Variants in CNTN5 observed in about 807,000 individuals in gnomAD.
CNTN5 encodes contactin-5.
In CNTN5, 77 loss-of-function variants were observed where a neutral mutation model predicts 129.1. The observed-to-expected ratio is 0.60, with a 90% CI of 0.50 to 0.72. The LOEUF (loss-of-function observed/expected upper bound fraction) is 0.72, where lower values mean the gene tolerates loss of function less well. Ranked by LOEUF, CNTN5 falls within the 30% of genes least tolerant of loss-of-function variation. CNTN5 has a pLI of 0.00. For synonymous variants in CNTN5, 509 were observed against 465.6 expected (o/e 1.09, Z -1.20); for missense variants, 1,478 against 1,328.8 (o/e 1.11, Z -1.75).
chr11:99,636,724 A>G lies in CNTN5; in HGVS notation c.55+80455A>G, dbSNP rs1008900479. Among the ~76,000 whole-genome samples, 7 of 151,972 alleles carry G rather than the reference A, an allele frequency of 4.6e-5. 1 individual carries two copies. The highest frequency in any genetic ancestry group is 4.6e-4 in the Admixed American group (7 of 15,266). ...ATAGTAACCTGTTAGGTTAAAAAGTAAATGACTCAGCTGGGCGCGGTGGCT... is the reference window on the plus strand; with the variant it reads ...ATAGTAACCTGTTAGGTTAAAAAGTGAATGACTCAGCTGGGCGCGGTGGCT... On this transcript the variant is annotated intron_variant, in intron 3 of 24. Coordinates refer to ENST00000524871, the MANE Select transcript of CNTN5 (RefSeq NM_014361.4).
intron 13 of CNTN5, among the ~76,000 whole-genome samples, chr11:100,133,525 ATATAAT>A (rs1946436539): frequency 6.6e-6 from 1 of 152,124 alleles, no homozygotes; most frequent in Non-Finnish European, 1.5e-5. Flanking sequence ...TACAAAGAAA[ATATAAT>A]TATAGTTTTG....
chr11:99,873,284 G>T (rs145356303), intron 6 of CNTN5, among the ~76,000 whole-genome samples: 4 of 151,456 alleles, frequency 2.6e-5, no homozygotes, highest in Non-Finnish European at 5.9e-5. Context: ...AAAAAAATAC[G>T]CCTTTTTAAA....
chr11:99,991,035 A>G (rs7124755), intron 8 of CNTN5, among the ~76,000 whole-genome samples: 57,661 of 151,978 alleles, frequency 0.38, 12,390 homozygotes, highest in African/African-American at 0.59. Flanking sequence ...AAGTACAATG[A>G]CATATCTCAC....
At chr11:99,974,509 G>T (rs1193484229) in intron 8 of CNTN5, among the ~76,000 whole-genome samples, 1 of 152,300 alleles carries the variant, frequency 6.6e-6, no homozygotes, top group East Asian at 1.9e-4. Flanking sequence ...CCTTACAGAA[G>T]TAATCAGTAT....
intron 6 of CNTN5, among the ~76,000 whole-genome samples, chr11:99,908,279 G>A (rs1027471131): frequency 1.3e-5 from 2 of 152,010 alleles, no homozygotes; most frequent in African/African-American, 2.4e-5. Flanking sequence ...TGAAATAACT[G>A]AAGAGGGTAG....
intron 21 of CNTN5, among the ~76,000 whole-genome samples, chr11:100,315,547 C>A (rs1469833069): frequency 6.6e-6 from 1 of 152,076 alleles, no homozygotes; most frequent in Non-Finnish European, 1.5e-5. Context: ...CTGAGTGGAT[C>A]CATCTTTAGA....
chr11:99,908,295 C>T (rs577287147), intron 6 of CNTN5, among the ~76,000 whole-genome samples: 7 of 152,000 alleles, frequency 4.6e-5, no homozygotes, highest in South Asian at 2.1e-4. Context: ...GGTAGTTAAG[C>T]GTGAAAGCTT....
chr11:99,948,981 C>G (rs537429918), intron 7 of CNTN5, among the ~76,000 whole-genome samples: 1 of 152,182 alleles, frequency 6.6e-6, no homozygotes, highest in Admixed American at 6.5e-5. Context: ...TTTGCTGATA[C>G]TCTTTGCCTT....
rs554001688 is a variant in CNTN5 at position 100,042,568 on chromosome 11, G to A, written c.981-18644G>A. On this transcript the variant is annotated intron_variant, in intron 9 of 24. Coordinates refer to ENST00000524871, the MANE Select transcript of CNTN5 (RefSeq NM_014361.4). ...GAAATCATTAAATCTTCACAGCTAAGTATTCCTTCTGCCTTGACAGATTCT... is the reference window on the plus strand; with the variant it reads ...GAAATCATTAAATCTTCACAGCTAAATATTCCTTCTGCCTTGACAGATTCT... Among the ~76,000 whole-genome samples the A allele has an allele frequency of 5.3e-5, 8 of 152,168 alleles. No homozygotes were observed. The South Asian group carries it at 6.2e-4, about 12-fold the overall frequency.
At chr11:99,954,897 C>T (rs1022472143) in intron 7 of CNTN5, among the ~76,000 whole-genome samples, 3 of 151,984 alleles carry the variant, frequency 2.0e-5, no homozygotes, top group African/African-American at 7.2e-5. Flanking sequence ...TTTTGAGTCC[C>T]CAAATACTTA....
At chr11:99,774,508 T>A (rs1166726717) in intron 3 of CNTN5, among the ~76,000 whole-genome samples, 4 of 147,916 alleles carry the variant, frequency 2.7e-5, no homozygotes, top group Admixed American at 6.8e-5. Context: ...AAAAAAAAAA[T>A]GCTCTGTTAC....
intron 8 of CNTN5, among the ~76,000 whole-genome samples, chr11:99,967,235 A>G (rs1197973761): frequency 1.3e-5 from 2 of 152,188 alleles, no homozygotes; most frequent in East Asian, 3.9e-4. Flanking sequence ...TGCTTTGTTG[A>G]CCATATTACC....
At chr11:99,414,268 G>T (rs7110283) in intron 2 of CNTN5, among the ~76,000 whole-genome samples, 5 of 151,914 alleles carry the variant, frequency 3.3e-5, no homozygotes, top group Admixed American at 3.3e-4. Flanking sequence ...GTGTTAACAC[G>T]TTTAATTTAA....
rs190354849 is a variant in CNTN5 at position 99,111,858 on chromosome 11, C to T, written c.-210+90588C>T. Among the ~76,000 whole-genome samples the T allele has an allele frequency of 1.1e-3, 169 of 152,074 alleles. 1 individual carries two copies. Among genetic ancestry groups the T allele is most frequent in the African/African-American group, 3.9e-3 (161 of 41,512 alleles). On this transcript the variant is annotated intron_variant, in intron 1 of 24. Coordinates refer to ENST00000524871, the MANE Select transcript of CNTN5 (RefSeq NM_014361.4). ...ATAAGACTTTTACTCCTGTTGCTGA[C>T]AGCACTTGAATTAGCATGACCCTAG...
At chr11:99,148,912 ACTT>A (rs1859915490) in intron 1 of CNTN5, among the ~76,000 whole-genome samples, 1 of 152,088 alleles carries the variant, frequency 6.6e-6, no homozygotes. Context: ...ACAACTTTCT[ACTT>A]CTCAAACCCT....
At chr11:100,160,418 T>G (rs1046845195) in intron 13 of CNTN5, among the ~76,000 whole-genome samples, 1 of 152,096 alleles carries the variant, frequency 6.6e-6, no homozygotes, top group East Asian at 1.9e-4. Context: ...TGATTTATAA[T>G]CCGTTGGGTA....
At chr11:100,263,421 G>T (rs1437417461) in intron 17 of CNTN5, among the ~76,000 whole-genome samples, 1 of 152,068 alleles carries the variant, frequency 6.6e-6, no homozygotes, top group Non-Finnish European at 1.5e-5. Flanking sequence ...GAGAAAATTT[G>T]TTTATCTATA....
At chr11:99,754,759 C>T (rs1284089355) in intron 3 of CNTN5, among the ~76,000 whole-genome samples, 1 of 152,172 alleles carries the variant, frequency 6.6e-6, no homozygotes, top group Non-Finnish European at 1.5e-5. Flanking sequence ...CCACATTTGA[C>T]ACATACTTAT....
At chr11:99,968,656 C>CTCTTTTTTTTTTTTTTTTTTTTTTTTT (rs1951161575) in intron 8 of CNTN5, among the ~76,000 whole-genome samples, 2 of 73,870 alleles carry the variant, frequency 2.7e-5, no homozygotes. Flanking sequence ...GCTTTGGGTA[C>CTCTTTTTTTTTTTTTTTTTTTTTTTTT]TTTTTTTTTT....
Sources: allele counts gnomAD v4.1 joint callset (sites outside exome capture counted in the v4.1 genomes callset), GRCh38; gene constraint gnomAD v4.1.1; transcripts MANE v1.5; gene names NCBI Gene and HGNC (gene_info 2026-07-23, HGNC 2026-07-21).